PTPN2: variants seen among roughly 807,000 people sequenced by gnomAD.
The protein encoded by PTPN2 is protein tyrosine phosphatase non-receptor type 2, also known as tyrosine-protein phosphatase non-receptor type 2.
A neutral mutation model predicts 57.3 loss-of-function variants in PTPN2; 19 were observed. The ratio of observed to expected loss-of-function variants is 0.33; its 90% CI spans 0.23 to 0.49. The LOEUF (loss-of-function observed/expected upper bound fraction) is 0.49, where lower values mean the gene tolerates loss of function less well. Among genes scored for constraint, PTPN2 ranks in the 20% least tolerant of loss-of-function variants. PTPN2 has a pLI of 0.99. For missense variants in PTPN2, 358 were observed against 501.1 expected, an observed-to-expected ratio of 0.71 and a Z score of 2.73; for synonymous variants, 153 against 164.9, an observed-to-expected ratio of 0.93 and a Z score of 0.55.
Position 12,799,748 on chromosome 18 carries a change from T to C in PTPN2, c.1040+2222A>G, listed in dbSNP as rs549728623. On this transcript the variant is annotated intron_variant, in intron 8 of 8. Transcript: ENST00000309660. ...CGTTAATGCCTCTTTAATTTTTGTATTTTAAAATTCGTATGTCCAAGTTGT... is the reference window on the plus strand; with the variant it reads ...CGTTAATGCCTCTTTAATTTTTGTACTTTAAAATTCGTATGTCCAAGTTGT... 5.9e-5 allele frequency among the ~76,000 whole-genome samples: 9 copies of C among 152,192 alleles called. No individual in the cohort carries two copies. In the East Asian group the frequency reaches 1.7e-3, roughly 30 times the overall value.
At position 12,840,282 on chromosome 18, in the gene PTPN2, G is replaced by A. The variant is rs954471730; in HGVS notation, c.161-3391C>T. ...TTGTCAACTCTCTTCAATCCTGCAA[G>A]TAAAATAGTCGAACAACAAATATTA... On this transcript the variant is annotated intron_variant, in intron 2 of 8. Coordinates refer to ENST00000309660, the MANE Select transcript of PTPN2 (RefSeq NM_002828.4). Among the ~76,000 whole-genome samples, 7 of 152,188 alleles carry A rather than the reference G, an allele frequency of 4.6e-5. No individual in the cohort carries two copies. In the South Asian group the frequency reaches 6.2e-4, roughly 13 times the overall value.
At position 12,835,885 on chromosome 18, in the gene PTPN2, G is replaced by GT. The variant is rs1341274564; in HGVS notation, c.261+905dup. ...AACTAGGAGTTTATGTCCTTTGCCA[G>GT]TTTTTTCCATGGGCTGTTTTTTTTC... On this transcript the variant is annotated intron_variant, in intron 3 of 8. Coordinates refer to ENST00000309660, the MANE Select transcript of PTPN2 (RefSeq NM_002828.4). Among the ~76,000 whole-genome samples, 3 of 152,060 alleles carry GT rather than the reference G, an allele frequency of 2.0e-5. No homozygotes were observed. In the East Asian group the frequency reaches 5.8e-4, roughly 29 times the overall value.
intron 1 of PTPN2, among the ~76,000 whole-genome samples, chr18:12,882,798 C>T (rs893681319): frequency 6.6e-6 from 1 of 152,180 alleles, no homozygotes; most frequent in African/African-American, 2.4e-5. Context: ...TTTTCACTGC[C>T]ATCTAATTAA....
chr18:12,870,439 GTGTATATATATATA>G lies in PTPN2; in HGVS notation c.70-11199_70-11186del, dbSNP rs1450762701. On this transcript the variant is annotated intron_variant, in intron 1 of 8. Transcript: ENST00000309660. ...TGTATATATATACGTATATATATAT[GTGTATATATATATA>G]TATATATATAGAGAGAGAGAGAGAG... Among the ~76,000 whole-genome samples, 59 of 30,350 alleles carry G rather than the reference GTGTATATATATATA, an allele frequency of 1.9e-3. 3 individuals carry two copies. The highest frequency in any genetic ancestry group is 9.3e-3 in the East Asian group (4 of 432). The allele number at this position is 30,350 out of a possible 152,430, so 19.9% of individuals were successfully genotyped here.
chr18:12,874,918 G>A (rs1450075445), intron 1 of PTPN2, among the ~76,000 whole-genome samples: 2 of 152,170 alleles, frequency 1.3e-5, no homozygotes, highest in East Asian at 1.9e-4. Context: ...GTGTCTGTGT[G>A]GAAAGAAGTA....
intron 2 of PTPN2, among the ~76,000 whole-genome samples, chr18:12,843,343 A>G (rs2043108588): frequency 6.6e-6 from 1 of 152,204 alleles, no homozygotes; most frequent in Non-Finnish European, 1.5e-5. Context: ...AGGGTATTAA[A>G]GTACAAAATT....
intron 2 of PTPN2, among the ~76,000 whole-genome samples, chr18:12,854,360 GAAAA>G (rs11460042): frequency 0.03 from 3,600 of 119,246 alleles, 63 homozygotes; most frequent in Non-Finnish European, 0.041. Context: ...ACCCTGTCTT[GAAAA>G]AAAAAAAAAA....
intron 1 of PTPN2, among the ~76,000 whole-genome samples, chr18:12,883,092 G>C (rs1046319188): frequency 2.6e-5 from 4 of 152,176 alleles, no homozygotes; most frequent in African/African-American, 9.7e-5. Flanking sequence ...CACGATTAGG[G>C]CGATAGGCAT....
intron 5 of PTPN2, among the ~76,000 whole-genome samples, chr18:12,824,894 T>A (rs1751045251): frequency 6.6e-6 from 1 of 152,080 alleles, no homozygotes; most frequent in Non-Finnish European, 1.5e-5. Flanking sequence ...GAGACCAGCC[T>A]GGATAACAAG....
intron 1 of PTPN2, among the ~76,000 whole-genome samples, chr18:12,869,372 ACTGGTCTCAAACTC>A (rs113061153): frequency 3.7e-4 from 57 of 152,134 alleles, no homozygotes; most frequent in African/African-American, 1.4e-3. Flanking sequence ...TGTTGCTTAG[ACTGGTCTCAAACTC>A]CTGGTCTCAA....
downstream of PTPN2, chr18:12,792,097 C>T: frequency 1.9e-6 from 1 of 522,970 alleles, no homozygotes; most frequent in East Asian, 1.5e-4. Context: ...CCTCTTACCT[C>T]CTCTCCATTT....
At chr18:12,789,557 A>G (rs11663253), downstream of PTPN2, among the ~76,000 whole-genome samples, 18,895 of 152,268 alleles carry the variant, frequency 0.12, 1,407 homozygotes, top group South Asian at 0.19. Context: ...TAGTTCTGCT[A>G]TGCACTGTGC....
At position 12,793,788 on chromosome 18, in the gene PTPN2, T is replaced by A; in HGVS notation, c.*490A>T. The A allele has an allele frequency of 5.3e-6, 5 of 938,274 alleles. No individual in the cohort carries two copies. Among genetic ancestry groups the A allele is most frequent in the Non-Finnish European group, 6.4e-6 (5 of 785,414 alleles). The allele number at this position is 938,274 out of a possible 1,614,324, so 58.1% of individuals were successfully genotyped here. On this transcript the variant is annotated 3_prime_UTR_variant, in exon 9 of 9. Coordinates refer to ENST00000309660, the MANE Select transcript of PTPN2 (RefSeq NM_002828.4). ...TTAAATAGATACTTATAAAATATAT[T>A]TACCCTGAAATGCTTAAGAATAAAA...
At chr18:12,851,791 T>C (rs2043405727) in intron 2 of PTPN2, among the ~76,000 whole-genome samples, 1 of 152,216 alleles carries the variant, frequency 6.6e-6, no homozygotes, top group African/African-American at 2.4e-5. Context: ...GTATGTTTAT[T>C]TGAGAATCTT....
intron 5 of PTPN2, among the ~76,000 whole-genome samples, chr18:12,824,787 A>G (rs2042389894): frequency 6.6e-6 from 1 of 152,132 alleles, no homozygotes; most frequent in Admixed American, 6.6e-5. Flanking sequence ...GTTTCTGGGG[A>G]AGAAAAATGC....
At chr18:12,876,296 A>AAAAAAGAAGAAGAAGAAGAAGAAG (rs1555681222) in intron 1 of PTPN2, among the ~76,000 whole-genome samples, 2 of 145,074 alleles carry the variant, frequency 1.4e-5, no homozygotes, top group Non-Finnish European at 3.0e-5. Context: ...ACAACAACAA[A>AAAAAAGAAGAAGAAGAAGAAGAAG]AAGAAGAAGA....
chr18:12,877,793 C>T (rs2044538878), intron 1 of PTPN2, among the ~76,000 whole-genome samples: 1 of 152,078 alleles, frequency 6.6e-6, no homozygotes, highest in Non-Finnish European at 1.5e-5. Context: ...AGGTGGATCA[C>T]AAAGTCAGGA....
At chr18:12,844,889 C>A (rs886387271) in intron 2 of PTPN2, among the ~76,000 whole-genome samples, 2 of 152,162 alleles carry the variant, frequency 1.3e-5, no homozygotes, top group African/African-American at 4.8e-5. Context: ...CATCTATGAT[C>A]TATCTTCAGT....
chr18:12,850,225 T>C (rs2043347692), intron 2 of PTPN2, among the ~76,000 whole-genome samples: 1 of 152,178 alleles, frequency 6.6e-6, no homozygotes, highest in Admixed American at 6.5e-5. Flanking sequence ...GCACAGTGGC[T>C]CATGCCTGTA....
Sources: allele counts gnomAD v4.1 joint callset (sites outside exome capture counted in the v4.1 genomes callset), GRCh38; gene constraint gnomAD v4.1.1; transcripts MANE v1.5; gene names NCBI Gene and HGNC (gene_info 2026-07-23, HGNC 2026-07-21).